Variants in MUC17 observed in about 807,000 individuals in gnomAD.
The protein encoded by MUC17 is mucin 17, cell surface associated.
In MUC17, 190 loss-of-function variants were observed where a neutral mutation model predicts 170.3. The ratio of observed to expected loss-of-function variants is 1.12; its 90% CI spans 0.99 to 1.26. MUC17 has a LOEUF of 1.26. Among genes scored for constraint, MUC17 ranks in the 50% most tolerant of loss-of-function variants. MUC17 has a pLI of 0.00. For missense variants in MUC17, 6,415 were observed against 5,530.0 expected (o/e 1.16, Z -5.08); for synonymous variants, 2,325 against 2,002.5 (o/e 1.16, Z -4.30).
In MUC17 at chr7:101,041,639, C is replaced by A; in HGVS notation, c.10223C>A (p.Thr3408Asn). The change falls in exon 3 of 13, where the codon ACC becomes AAC. Residue 3408 changes from threonine to asparagine, a missense_variant. By Grantham distance (65) the Thr-to-Asn change is moderately conservative. Transcript: ENST00000306151. ...TTPLASMPVS[T>N]TPVVSSEVNT... The stretch of plus-strand genomic sequence containing the variant: ...CCATTAGCAAGTATGCCTGTCAGCA[C>A]CACGCCGGTGGTCAGTTCTGAGGTT... 2 of 1,613,724 alleles carry A rather than the reference C, an allele frequency of 1.2e-6. No individual in the cohort carries two copies. The highest frequency in any genetic ancestry group is 2.7e-5 in the African/African-American group (2 of 74,944).
In MUC17 at chr7:101,037,373, C is replaced by T. The variant is rs536102720; in HGVS notation, c.5957C>T (p.Pro1986Leu). The T allele has an allele frequency of 1.7e-4, 275 of 1,614,032 alleles. 4 individuals are homozygous for T. In the South Asian group the frequency reaches 2.8e-3, roughly 16 times the overall value. ...CCAGCTTATAGTGAAGGAAGCACTCCACTAACAAGTATGCCTCTCAGCACC... is the reference window on the plus strand; with the variant it reads ...CCAGCTTATAGTGAAGGAAGCACTCTACTAACAAGTATGCCTCTCAGCACC... ...PTPAYSEGST[P>L]LTSMPLSTTL... The change falls in exon 3 of 13, where the codon CCA (proline) becomes CTA (leucine). Residue 1986 changes from proline to leucine, a missense_variant. By Grantham distance (98) the Pro-to-Leu change is moderately conservative (BLOSUM62 -3). Transcript: ENST00000306151.
rs367999476 is a variant in MUC17 at position 101,048,009 on chromosome 7, G to A, written c.12429G>A (p.Thr4143=). The A allele has an allele frequency of 9.2e-5, 148 of 1,603,342 alleles. No homozygotes were observed. Among genetic ancestry groups the A allele is most frequent in the Non-Finnish European group, 1.2e-4 (141 of 1,175,884 alleles). ...TTCFGDGCQN[T]ASRCKNGGTW... is the part of the protein sequence containing the mutation. ...GCTTTGGAGATGGGTGCCAGAATAC[G>A]GCCTCTCGCTGCAAGAATGGAGGCA... Residue 4143 remains threonine (T), a synonymous_variant, in exon 4 of 13, where the codon ACG becomes ACA. Transcript: ENST00000306151.
intron 1 of MUC17, among the ~76,000 whole-genome samples, chr7:101,030,881 C>T (rs1393603391): frequency 6.6e-6 from 1 of 152,246 alleles, no homozygotes; most frequent in Non-Finnish European, 1.5e-5. Flanking sequence ...ACTACGGGCA[C>T]ATGCCACCTG....
chr7:101,042,668 T>C lies in MUC17; in HGVS notation c.11252T>C (p.Ile3751Thr), dbSNP rs1359763652. The C allele has an allele frequency of 6.2e-7, 1 of 1,613,798 alleles. No homozygotes were observed. Among genetic ancestry groups the C allele is most frequent in the Non-Finnish European group, 8.5e-7 (1 of 1,180,036 alleles). ...ATGTCTGTGTCAATGCCCATGGAAA[T>C]AAGCACCCTTGGGACCACTATTCTT... ...TTMSVSMPME[I>T]STLGTTILVS... Residue 3751 changes from isoleucine (I) to threonine (T), a missense_variant, in exon 3 of 13, where the codon ATA becomes ACA. By Grantham distance (89) the Ile-to-Thr change is moderately conservative (BLOSUM62 -1). Coordinates refer to ENST00000306151, the MANE Select transcript of MUC17 (RefSeq NM_001040105.2).
At position 101,043,493 on chromosome 7, in the gene MUC17, C is replaced by T. The variant is rs747212689; in HGVS notation, c.12077C>T (p.Ser4026Leu). Residue 4026 changes from serine (S) to leucine (L), a missense_variant, in exon 3 of 13, where the codon TCA becomes TTA. Transcript: ENST00000306151. Reference sequence around the variant, plus strand: ...AGCAGAGGCTGCACTACTTCTGCATCAACGCTTTCTGCAACCAGTACACCT... The same window carrying T: ...AGCAGAGGCTGCACTACTTCTGCATTAACGCTTTCTGCAACCAGTACACCT... Reference protein sequence around the residue: ...TTSRGCTTSASTLSATSTPHT... With the variant: ...TTSRGCTTSALTLSATSTPHT... 1.2e-6 allele frequency: 2 copies of T among 1,614,104 alleles called. No homozygotes were observed. Among genetic ancestry groups the T allele is most frequent in the Admixed American group, 1.7e-5 (1 of 60,008 alleles).
chr7:101,043,004 C>G lies in MUC17; in HGVS notation c.11588C>G (p.Thr3863Ser), dbSNP rs1160205282. The part of the protein sequence containing the change: ...GSFSIPAEVT[T>S]IRISITSERS... ...TTCTCCATACCTGCTGAAGTCACTA[C>G]CATACGTATTTCAATTACCAGTGAA... The change falls in exon 3 of 13, where the codon ACC becomes AGC. Residue 3863 changes from threonine (T) to serine (S), a missense_variant. Coordinates refer to ENST00000306151, the MANE Select transcript of MUC17 (RefSeq NM_001040105.2). 2 of 1,614,038 alleles carry G rather than the reference C, an allele frequency of 1.2e-6. No individual in the cohort carries two copies. Among genetic ancestry groups the G allele is most frequent in the African/African-American group, 2.7e-5 (2 of 74,904 alleles).
Position 101,036,867 on chromosome 7 carries a change from C to G in MUC17, c.5451C>G (p.His1817Gln), listed in dbSNP as rs1477352446. ...MTPLTSTPVS[H>Q]TLVANSEAST... ...CATTAACAAGCACACCTGTCAGCCACACGCTGGTGGCCAATTCTGAGGCTA... is the reference window on the plus strand; with the variant it reads ...CATTAACAAGCACACCTGTCAGCCAGACGCTGGTGGCCAATTCTGAGGCTA... The change falls in exon 3 of 13, where the codon CAC becomes CAG. Residue 1817 changes from histidine (H) to glutamine (Q), a missense_variant. Transcript: ENST00000306151. The G allele has an allele frequency of 6.2e-7, 1 of 1,608,234 alleles. No homozygotes were observed. The highest frequency in any genetic ancestry group is 1.1e-5 in the South Asian group (1 of 89,922).
At position 101,058,082 on chromosome 7, in the gene MUC17, A is replaced by T; in HGVS notation, c.*38A>T. On this transcript the variant is annotated 3_prime_UTR_variant, in exon 13 of 13. Coordinates refer to ENST00000306151, the MANE Select transcript of MUC17 (RefSeq NM_001040105.2). Reference sequence around the variant, plus strand: ...AGAAGTCTGGGAGTGAGGAGATCCCAGTCCGGCTAAGCTTGGTGGAGCATT... The same window carrying T: ...AGAAGTCTGGGAGTGAGGAGATCCCTGTCCGGCTAAGCTTGGTGGAGCATT... The T allele has an allele frequency of 6.3e-7, 1 of 1,596,808 alleles. No homozygotes were observed. The highest frequency in any genetic ancestry group is 8.6e-7 in the Non-Finnish European group (1 of 1,164,982).
In MUC17 at chr7:101,048,076, G is replaced by C; in HGVS notation, c.12496G>C (p.Gly4166Arg). 6.2e-7 allele frequency: 1 copy of C among 1,604,530 alleles called. No individual in the cohort carries two copies. The highest frequency in any genetic ancestry group is 1.1e-5 in the South Asian group (1 of 89,542). ...GTGCCAGTGTCCCAACCTCTATTAT[G>C]GGGAGTTGTGTGAGGAGGTGGTCAG... ...LKCQCPNLYY[G>R]ELCEEVVSSI... The change falls in exon 4 of 13, where the codon GGG becomes CGG. Residue 4166 changes from glycine to arginine, a missense_variant. Transcript: ENST00000306151.
In MUC17 at chr7:101,050,562, T is replaced by C. The variant is rs1487064181; in HGVS notation, c.12801T>C (p.Asn4267=). Residue 4267 remains asparagine (N), a synonymous_variant, in exon 7 of 13, where the codon AAT becomes AAC. Coordinates refer to ENST00000306151, the MANE Select transcript of MUC17 (RefSeq NM_001040105.2). The part of the protein sequence containing the change: ...YTPEYKTVLD[N]ATEVVKEKIT... The stretch of plus-strand genomic sequence containing the variant: ...CAGAATACAAGACAGTATTGGACAA[T>C]GCCACCGAAGTAGTGAAAGAGAAAA... The C allele has an allele frequency of 6.2e-7, 1 of 1,614,136 alleles. No homozygotes were observed. The highest frequency in any genetic ancestry group is 1.7e-5 in the Admixed American group (1 of 60,008).
Position 101,042,746 on chromosome 7 carries a change from C to T in MUC17, c.11330C>T (p.Pro3777Leu). ...CCTGAGAGTAGCACCCCTTCCATAC[C>T]ATCTGTTTACACCAGCATGTCTATG... ...RFPESSTPSI[P>L]SVYTSMSMTT... Residue 3777 changes from proline (P) to leucine (L), a missense_variant, in exon 3 of 13, where the codon CCA becomes CTA. Physicochemically the swap from Pro to Leu is moderately conservative, Grantham distance 98. Coordinates refer to ENST00000306151, the MANE Select transcript of MUC17 (RefSeq NM_001040105.2). The T allele has an allele frequency of 6.2e-7, 1 of 1,613,980 alleles. No homozygotes were observed. Among genetic ancestry groups the T allele is most frequent in the East Asian group, 2.2e-5 (1 of 44,892 alleles).
intron 12 of MUC17, among the ~76,000 whole-genome samples, chr7:101,057,495 A>C (rs4236553): frequency 0.62 from 94,387 of 152,060 alleles, 29,669 homozygotes; most frequent in East Asian, 0.7. Flanking sequence ...GCAATCCCAG[A>C]ACTTCGTGAG....
intron 6 of MUC17, 89 bp downstream of exon 6, chr7:101,049,471 T>C: frequency 6.7e-7 from 1 of 1,500,782 alleles, no homozygotes; most frequent in Non-Finnish European, 9.0e-7. Flanking sequence ...CCCCCTGCAT[T>C]ACTGTGCCCA....
At chr7:101,045,354 G>T (rs1003950925) in intron 3 of MUC17, among the ~76,000 whole-genome samples, 2 of 151,364 alleles carry the variant, frequency 1.3e-5, no homozygotes, top group South Asian at 4.2e-4. Flanking sequence ...TTCCTTTGCT[G>T]AATTCTACTT....
rs1456202834 is a variant in MUC17 at position 101,036,682 on chromosome 7, G to C, written c.5266G>C (p.Val1756Leu). The change falls in exon 3 of 13, where the codon GTC becomes CTC. Residue 1756 changes from valine to leucine, a missense_variant. Coordinates refer to ENST00000306151, the MANE Select transcript of MUC17 (RefSeq NM_001040105.2). ...AACCACTCCATTAACAAGTATACCT[G>C]TCAGCACCACGCCGGTACTCAGTTC... The part of the protein sequence containing the change: ...EGTTPLTSIP[V>L]STTPVLSSEA... 4 of 1,613,210 alleles carry C rather than the reference G, an allele frequency of 2.5e-6. No individual in the cohort carries two copies. The highest frequency in any genetic ancestry group is 3.4e-6 in the Non-Finnish European group (4 of 1,179,728).
In MUC17 at chr7:101,025,509, A is replaced by G. The variant is rs144415729; in HGVS notation, c.82+5292A>G. Reference sequence around the variant, plus strand: ...GAAAATCTGTCTCTACAAAAAATATAGGCCAAGCACAGTGGCTCACACCAG... The same window carrying G: ...GAAAATCTGTCTCTACAAAAAATATGGGCCAAGCACAGTGGCTCACACCAG... On this transcript the variant is annotated intron_variant, in intron 1 of 12. Coordinates refer to ENST00000306151, the MANE Select transcript of MUC17 (RefSeq NM_001040105.2). 2.9e-3 allele frequency among the ~76,000 whole-genome samples: 444 copies of G among 152,048 alleles called. 2 individuals are homozygous for G. Among genetic ancestry groups the G allele is most frequent in the Non-Finnish European group, 5.3e-3 (357 of 67,948 alleles).
At position 101,039,196 on chromosome 7, in the gene MUC17, C is replaced by T; in HGVS notation, c.7780C>T (p.Leu2594Phe). Reference sequence around the variant, plus strand: ...GTTGGCCAGTTCTGAGGCTAGCACTCTTTCAACAACTCCTGTTGACACCAG... The same window carrying T: ...GTTGGCCAGTTCTGAGGCTAGCACTTTTTCAACAACTCCTGTTGACACCAG... ...KPLASSEAST[L>F]STTPVDTSIP... The change falls in exon 3 of 13, where the codon CTT becomes TTT. Residue 2594 changes from leucine to phenylalanine, a missense_variant. Leu to Phe is a conservative substitution (Grantham distance 22). Coordinates refer to ENST00000306151, the MANE Select transcript of MUC17 (RefSeq NM_001040105.2). The T allele has an allele frequency of 1.2e-6, 2 of 1,613,428 alleles. No individual in the cohort carries two copies. Among genetic ancestry groups the T allele is most frequent in the Admixed American group, 3.3e-5 (2 of 60,002 alleles).
At position 101,032,252 on chromosome 7, in the gene MUC17, G is replaced by C; in HGVS notation, c.836G>C (p.Arg279Thr). 2 of 1,613,692 alleles carry C rather than the reference G, an allele frequency of 1.2e-6. No homozygotes were observed. The highest frequency in any genetic ancestry group is 1.7e-6 in the Non-Finnish European group (2 of 1,179,826). ...APSGGSTPLT[R>T]MPLSVMLVVS... ...AGTGGAGGAAGCACTCCATTAACAA[G>C]AATGCCTCTCAGCGTGATGCTGGTG... Residue 279 changes from arginine to threonine, a missense_variant, in exon 3 of 13, where the codon AGA becomes ACA. By Grantham distance (71) the Arg-to-Thr change is moderately conservative. Coordinates refer to ENST00000306151, the MANE Select transcript of MUC17 (RefSeq NM_001040105.2).
chr7:101,042,828 G>C lies in MUC17; in HGVS notation c.11412G>C (p.Met3804Ile), dbSNP rs1334147732. ...CAACTCTTGAAGGCACCACCACCATGCCTATGTCAACTACGAGTGAAAGAA... is the reference window on the plus strand; with the variant it reads ...CAACTCTTGAAGGCACCACCACCATCCCTATGTCAACTACGAGTGAAAGAA... Reference protein sequence around the residue: ...SPTTLEGTTTMPMSTTSERST... With the variant: ...SPTTLEGTTTIPMSTTSERST... Residue 3804 changes from methionine to isoleucine, a missense_variant, in exon 3 of 13, where the codon ATG becomes ATC. Transcript: ENST00000306151. 1.2e-6 allele frequency: 2 copies of C among 1,614,004 alleles called. No individual in the cohort carries two copies. Among genetic ancestry groups the C allele is most frequent in the African/African-American group, 2.7e-5 (2 of 74,902 alleles).
Sources: allele counts gnomAD v4.1 joint callset (sites outside exome capture counted in the v4.1 genomes callset), GRCh38; gene constraint gnomAD v4.1.1; transcripts MANE v1.5; gene names NCBI Gene and HGNC (gene_info 2026-07-23, HGNC 2026-07-21).